The following MCUB variants were observed in gnomAD, a reference collection of about 807,000 sequenced individuals.
MCUB encodes the protein mitochondrial calcium uniporter dominant negative subunit beta, also known as calcium uniporter regulatory subunit MCUb, mitochondrial.
Under a neutral mutation model 41.4 loss-of-function variants are expected in MCUB, and 46 were observed. The ratio of observed to expected loss-of-function variants is 1.11; its 90% CI spans 0.88 to 1.42. The LOEUF (loss-of-function observed/expected upper bound fraction) is 1.42. MCUB is among the 40% of genes most tolerant of loss of function. The pLI is 0.00. For missense variants in MCUB, 403 were observed against 404.9 expected, an observed-to-expected ratio of 1.00 and a Z score of 0.04; for synonymous variants, 148 against 148.2, an observed-to-expected ratio of 1.00 and a Z score of 0.01.
chr4:109,622,031 G>A (rs112089516), intron 1 of MCUB, among the ~76,000 whole-genome samples: 39,283 of 151,838 alleles, frequency 0.26, 5,294 homozygotes, highest in African/African-American at 0.28. Flanking sequence ...ACAGGCACCC[G>A]CCACCATGCC....
intron 6 of MCUB, 144 bp downstream of exon 6, chr4:109,684,790 C>G: frequency 1.7e-6 from 1 of 574,112 alleles, no homozygotes; most frequent in Non-Finnish European, 3.1e-6. Flanking sequence ...TTGTTTTTCA[C>G]AAGACTGAAT....
intron 1 of MCUB, among the ~76,000 whole-genome samples, chr4:109,578,185 C>G (rs543065372): frequency 3.2e-4 from 48 of 152,258 alleles, no homozygotes; most frequent in African/African-American, 1.1e-3. Context: ...CTCTTCCCCC[C>G]ACACACAAAA....
At chr4:109,599,252 CAT>C (rs1727669599) in intron 1 of MCUB, among the ~76,000 whole-genome samples, 1 of 152,100 alleles carries the variant, frequency 6.6e-6, no homozygotes, top group African/African-American at 2.4e-5. Context: ...ACTTGTTTTG[CAT>C]AGTTTCCATT....
intron 1 of MCUB, among the ~76,000 whole-genome samples, chr4:109,642,424 G>C (rs763973877): frequency 9.9e-5 from 15 of 152,240 alleles, no homozygotes; most frequent in Non-Finnish European, 1.9e-4. Flanking sequence ...TTGTGGCAGG[G>C]TAATTAAAGT....
intron 1 of MCUB, among the ~76,000 whole-genome samples, chr4:109,600,360 A>G (rs197216): frequency 8.5e-5 from 13 of 152,240 alleles, no homozygotes; most frequent in Non-Finnish European, 1.8e-4. Flanking sequence ...CCTAGAGTCT[A>G]TGAGCCTAGG....
intron 1 of MCUB, among the ~76,000 whole-genome samples, chr4:109,653,021 T>G (rs1251214027): frequency 6.6e-6 from 1 of 152,204 alleles, no homozygotes; most frequent in Non-Finnish European, 1.5e-5. Context: ...CTTTCATTTC[T>G]CTAGGGTAAA....
intron 4 of MCUB, among the ~76,000 whole-genome samples, chr4:109,682,081 G>A (rs1729730481): frequency 1.3e-5 from 2 of 151,920 alleles, no homozygotes; most frequent in Admixed American, 6.6e-5. Context: ...TTCTCTGGTT[G>A]GGTGTGAGCC....
chr4:109,673,755 A>G (rs1729510495), intron 4 of MCUB: 2 of 558,170 alleles, frequency 3.6e-6, no homozygotes, highest in Admixed American at 3.1e-5. Context: ...TAAATGAGAA[A>G]TAAGCTTCTG....
At chr4:109,583,195 G>A (rs550800700) in intron 1 of MCUB, among the ~76,000 whole-genome samples, 2 of 152,248 alleles carry the variant, frequency 1.3e-5, no homozygotes, top group South Asian at 4.2e-4. Flanking sequence ...CTATCCATGG[G>A]CATGGAATAT....
intron 1 of MCUB, among the ~76,000 whole-genome samples, chr4:109,592,292 C>G (rs1022176786): frequency 6.6e-6 from 1 of 151,782 alleles, no homozygotes; most frequent in African/African-American, 2.4e-5. Context: ...TACCTGCAAT[C>G]CCAGCTACTC....
At chr4:109,678,608 G>C (rs1391252395) in intron 4 of MCUB, among the ~76,000 whole-genome samples, 1 of 142,526 alleles carries the variant, frequency 7.0e-6, no homozygotes, top group Admixed American at 6.9e-5. Context: ...CCAGGCAGAG[G>C]CACTCCTCAC....
chr4:109,610,579 C>T (rs1309256122), intron 1 of MCUB, among the ~76,000 whole-genome samples: 1 of 152,078 alleles, frequency 6.6e-6, no homozygotes, highest in African/African-American at 2.4e-5. Context: ...TTTGTGAAGA[C>T]TATGACATTA....
intron 1 of MCUB, among the ~76,000 whole-genome samples, chr4:109,608,358 GT>G (rs199510742): frequency 0.019 from 2,817 of 152,206 alleles, 68 homozygotes; most frequent in South Asian, 0.074. Context: ...TGTCTGAAAG[GT>G]CATGTATCTC....
intron 1 of MCUB, among the ~76,000 whole-genome samples, chr4:109,630,939 A>G (rs935951882): frequency 1.3e-5 from 2 of 152,156 alleles, no homozygotes; most frequent in Non-Finnish European, 2.9e-5. Context: ...ACTTCCTATT[A>G]TACAAGCTGA....
At chr4:109,619,903 C>T (rs989311721) in intron 1 of MCUB, among the ~76,000 whole-genome samples, 4 of 152,120 alleles carry the variant, frequency 2.6e-5, no homozygotes, top group Admixed American at 2.6e-4. Flanking sequence ...CTGTTATCCC[C>T]ATTGTATAGA....
chr4:109,626,768 ATGCCATTG>A (rs58397067), intron 1 of MCUB, among the ~76,000 whole-genome samples: 100,539 of 144,610 alleles, frequency 0.7, 35,149 homozygotes, highest in African/African-American at 0.76. Flanking sequence ...AGCTGAGATC[ATGCCATTG>A]TGCCATTGCA....
Position 109,577,756 on chromosome 4 carries a change from G to A in MCUB, c.99+17320G>A, listed in dbSNP as rs1199691877. On this transcript the variant is annotated intron_variant, in intron 1 of 7. Coordinates refer to ENST00000394650, the MANE Select transcript of MCUB (RefSeq NM_017918.5). ...CTCCCGAGTAGCTGGGACTACAGGC[G>A]CCCGCCACCTCGCCCGGCTAATTTT... Among the ~76,000 whole-genome samples the A allele has an allele frequency of 2.5e-5, 2 of 81,098 alleles. 1 individual carries two copies. The highest frequency in any genetic ancestry group is 5.2e-5 in the Non-Finnish European group (2 of 38,394). The allele number at this position is 81,098 out of a possible 152,430, so 53.2% of individuals were successfully genotyped here. A position where few individuals can be genotyped will look rare whatever the true frequency, so the allele number is the denominator to read the frequency against.
chr4:109,578,057 A>G (rs1459177260), intron 1 of MCUB, among the ~76,000 whole-genome samples: 1 of 152,166 alleles, frequency 6.6e-6, no homozygotes, highest in East Asian at 1.9e-4. Flanking sequence ...TATGACTTCA[A>G]ATAATCCAAG....
intron 1 of MCUB, among the ~76,000 whole-genome samples, chr4:109,649,657 T>G (rs1335625349): frequency 6.6e-6 from 1 of 152,176 alleles, no homozygotes; most frequent in Non-Finnish European, 1.5e-5. Context: ...TTATAAGAAT[T>G]TTTTGTTTCT....
Sources: allele counts gnomAD v4.1 joint callset (sites outside exome capture counted in the v4.1 genomes callset), GRCh38; gene constraint gnomAD v4.1.1; transcripts MANE v1.5; gene names NCBI Gene and HGNC (gene_info 2026-07-23, HGNC 2026-07-21).